Variants in ELFN1 observed in about 807,000 individuals in gnomAD.
ELFN1 encodes extracellular leucine rich repeat and fibronectin type III domain containing 1, also known as protein ELFN1.
A neutral mutation model predicts 7.6 loss-of-function variants in ELFN1; 6 were observed. That is an observed-to-expected ratio of 0.79 (90% CI 0.43 to 1.56). ELFN1 has a LOEUF of 1.56. ELFN1 is among the 40% of genes most tolerant of loss of function. ELFN1 has a pLI of 0.01. For synonymous variants in ELFN1, 657 were observed against 588.1 expected, an observed-to-expected ratio of 1.12 and a Z score of -1.70; for missense variants, 1,169 against 1,232.2, an observed-to-expected ratio of 0.95 and a Z score of 0.77.
In ELFN1 at chr7:1,746,408, G is replaced by T; in HGVS notation, c.1812G>T (p.Pro604=). The T allele has an allele frequency of 6.5e-6, 10 of 1,535,304 alleles. No homozygotes were observed. Among genetic ancestry groups the T allele is most frequent in the Non-Finnish European group, 8.8e-6 (10 of 1,142,090 alleles). ...CGCCGCTGGTGCTGCTGTCCGAGCC[G>T]CTGGCCGCCAAGCACGGCTTCCTGG... The part of the protein sequence containing the change: ...AEPPLVLLSE[P]LAAKHGFLAP... Residue 604 remains proline (P), a synonymous_variant, in exon 4 of 4, where the codon CCG becomes CCT. Coordinates refer to ENST00000424383, the MANE Select transcript of ELFN1 (RefSeq NM_001128636.4).
rs374928477 is a variant in ELFN1 at position 1,743,194 on chromosome 7, A to G, written c.-293-1110A>G. On this transcript the variant is annotated intron_variant, in intron 3 of 3. Transcript: ENST00000424383. ...TCCTGCCTGGGGCTTCCCCGCCTACAGCTCGGTCGCCACATCCTCTGTGTC... is the reference window on the plus strand; with the variant it reads ...TCCTGCCTGGGGCTTCCCCGCCTACGGCTCGGTCGCCACATCCTCTGTGTC... 1.1e-4 allele frequency among the ~76,000 whole-genome samples: 16 copies of G among 152,268 alleles called. No homozygotes were observed. The East Asian group carries it at 2.9e-3, about 28-fold the overall frequency.
intron 3 of ELFN1, among the ~76,000 whole-genome samples, chr7:1,712,836 A>T (rs1233864290): frequency 6.6e-6 from 1 of 152,152 alleles, no homozygotes. Flanking sequence ...TTTATCTCTT[A>T]TCTTTTATCA....
At chr7:1,708,380 C>A (rs1779581679) in intron 2 of ELFN1, among the ~76,000 whole-genome samples, 1 of 152,218 alleles carries the variant, frequency 6.6e-6, no homozygotes, top group Admixed American at 6.5e-5. Flanking sequence ...AATGACCTGA[C>A]CTGTGGGCGG....
intron 2 of ELFN1, among the ~76,000 whole-genome samples, chr7:1,691,004 A>G (rs1779150759): frequency 6.6e-6 from 1 of 152,216 alleles, no homozygotes; most frequent in Non-Finnish European, 1.5e-5. Context: ...CAATGTCAGT[A>G]TGGACAGGAG....
chr7:1,668,859 G>A (rs776156334), upstream of ELFN1, among the ~76,000 whole-genome samples: 1 of 152,232 alleles, frequency 6.6e-6, no homozygotes, highest in Non-Finnish European at 1.5e-5. Flanking sequence ...GCCGGCCCCT[G>A]GGGCTGTGCT....
Position 1,731,941 on chromosome 7 carries a change from G to T in ELFN1, c.-293-12363G>T, listed in dbSNP as rs546317355. 5.9e-5 allele frequency among the ~76,000 whole-genome samples: 9 copies of T among 152,368 alleles called. No individual in the cohort carries two copies. The South Asian group carries it at 1.9e-3, about 32-fold the overall frequency. The stretch of plus-strand genomic sequence containing the variant: ...CTGGGATTATAAGCATGAGCCAGGT[G>T]CCTGGCCTGGTTGCCTTCCGTTATA... On this transcript the variant is annotated intron_variant, in intron 3 of 3. Coordinates refer to ENST00000424383, the MANE Select transcript of ELFN1 (RefSeq NM_001128636.4).
intron 3 of ELFN1, among the ~76,000 whole-genome samples, chr7:1,737,542 G>A (rs752074496): frequency 2.0e-5 from 3 of 152,186 alleles, no homozygotes; most frequent in Non-Finnish European, 4.4e-5. Context: ...GAGCTTCTTC[G>A]GGAAGGTCAA....
chr7:1,730,964 C>A (rs1313932797), intron 3 of ELFN1, among the ~76,000 whole-genome samples: 1 of 152,138 alleles, frequency 6.6e-6, no homozygotes, highest in Non-Finnish European at 1.5e-5. Flanking sequence ...AGGTGCTGGG[C>A]TGGAAATCAA....
rs138471479 is a variant in ELFN1, at chr7:1,708,127, C to T, written c.-455-964C>T. On this transcript the variant is annotated intron_variant, in intron 2 of 3. Transcript: ENST00000424383. ...ACCAGCACCCCACAGCACTTCCCCT[C>T]CTGCCCTCCAGATGCAAAAGCATCA... Among the ~76,000 whole-genome samples the T allele has an allele frequency of 9.2e-5, 14 of 152,338 alleles. No individual in the cohort carries two copies. In the East Asian group the frequency reaches 2.3e-3, roughly 25 times the overall value.
rs149326966 is a variant in ELFN1, at chr7:1,730,333, G to A, written c.-293-13971G>A. On this transcript the variant is annotated intron_variant, in intron 3 of 3. Coordinates refer to ENST00000424383, the MANE Select transcript of ELFN1 (RefSeq NM_001128636.4). ...AGCAACACTGTTTGATGAGCTGGAG[G>A]AGGAAGCCAGGACAGCCTCAAACCC... Among the ~76,000 whole-genome samples the A allele has an allele frequency of 2.6e-5, 4 of 152,294 alleles. No homozygotes were observed. In the East Asian group the frequency reaches 5.8e-4, roughly 22 times the overall value.
intron 1 of ELFN1, among the ~76,000 whole-genome samples, chr7:1,683,989 A>C (rs1021347075): frequency 2.6e-5 from 4 of 152,130 alleles, no homozygotes; most frequent in Non-Finnish European, 5.9e-5. Context: ...TCTCTACAAA[A>C]AAATTTTTAA....
chr7:1,715,056 A>C (rs1285799505), intron 3 of ELFN1, among the ~76,000 whole-genome samples: 1 of 152,156 alleles, frequency 6.6e-6, no homozygotes, highest in Non-Finnish European at 1.5e-5. Flanking sequence ...AGGAGAAGGG[A>C]ATACACCAGC....
At chr7:1,734,754 G>A (rs939000217) in intron 3 of ELFN1, among the ~76,000 whole-genome samples, 5 of 151,328 alleles carry the variant, frequency 3.3e-5, no homozygotes, top group Non-Finnish European at 7.4e-5. Flanking sequence ...CTGGAACACA[G>A]TGGCACAGTC....
Position 1,747,311 on chromosome 7 carries a change from C to CACACAG in ELFN1, c.*233_*234insGACACA, listed in dbSNP as rs1238025908. The CACACAG allele has an allele frequency of 1.5e-3, 416 of 282,824 alleles. 19 individuals are homozygous for CACACAG. Among genetic ancestry groups the CACACAG allele is most frequent in the South Asian group, 4.3e-3 (24 of 5,638 alleles). The allele number at this position is 282,824 out of a possible 1,614,324, so 17.5% of individuals were successfully genotyped here. On this transcript the variant is annotated 3_prime_UTR_variant, in exon 4 of 4. Coordinates refer to ENST00000424383, the MANE Select transcript of ELFN1 (RefSeq NM_001128636.4). ...CCCGGGTGGCACGTGTCCACACACA[C>CACACAG]ACACACACACACACACACACACACG...
chr7:1,737,910 C>G (rs775931856), intron 3 of ELFN1, among the ~76,000 whole-genome samples: 1 of 152,232 alleles, frequency 6.6e-6, no homozygotes, highest in South Asian at 2.1e-4. Flanking sequence ...TCAGCACTCT[C>G]TGTGAATAGG....
rs1236359810 is a variant in ELFN1, at chr7:1,746,711, C to T, written c.2115C>T (p.His705=). 6.8e-7 allele frequency: 1 copy of T among 1,474,572 alleles called. No homozygotes were observed. Among genetic ancestry groups the T allele is most frequent in the Non-Finnish European group, 8.9e-7 (1 of 1,119,400 alleles). 91.3% of individuals were successfully genotyped at this position (1,474,572 alleles called of 1,614,324 possible). A position where few individuals can be genotyped will look rare whatever the true frequency, so the allele number is the denominator to read the frequency against. ...EKGRQYGEHR[H]SYPGSHPAEP... is the part of the protein sequence containing the mutation. ...GTCGCCAGTACGGCGAGCACCGGCA[C>T]TCGTACCCCGGCTCCCACCCGGCCG... Residue 705 remains histidine, a synonymous_variant, in exon 4 of 4, where the codon CAC becomes CAT. Transcript: ENST00000424383.
intron 2 of ELFN1, among the ~76,000 whole-genome samples, chr7:1,696,792 G>A (rs1398471443): frequency 6.6e-6 from 1 of 152,174 alleles, no homozygotes; most frequent in Non-Finnish European, 1.5e-5. Context: ...AGAACCCGCT[G>A]CCTCCTCTCA....
intron 3 of ELFN1, among the ~76,000 whole-genome samples, chr7:1,716,849 G>C (rs573430862): frequency 6.6e-6 from 1 of 152,328 alleles, no homozygotes; most frequent in East Asian, 1.9e-4. Context: ...CAGCCATGGA[G>C]GGGGAGGGGA....
Position 1,744,327 on chromosome 7 carries a change from T to G in ELFN1, c.-270T>G. ...AGCAGGAACGTCGGAGCAGGAGGAG[T>G]CAGTGGAGCCATCAGGACACCCAGG... On this transcript the variant is annotated 5_prime_UTR_variant, in exon 4 of 4. Coordinates refer to ENST00000424383, the MANE Select transcript of ELFN1 (RefSeq NM_001128636.4). 1 of 442,676 alleles carries G rather than the reference T, an allele frequency of 2.3e-6. No homozygotes were observed. Among genetic ancestry groups the G allele is most frequent in the South Asian group, 4.9e-5 (1 of 20,354 alleles). The allele number at this position is 442,676 out of a possible 1,614,324, so 27.4% of individuals were successfully genotyped here. A position where few individuals can be genotyped will look rare whatever the true frequency, so the allele number is the denominator to read the frequency against.
Sources: allele counts gnomAD v4.1 joint callset (sites outside exome capture counted in the v4.1 genomes callset), GRCh38; gene constraint gnomAD v4.1.1; transcripts MANE v1.5; gene names NCBI Gene and HGNC (gene_info 2026-07-23, HGNC 2026-07-21).